Variants in HUWE1 observed in about 807,000 individuals in gnomAD.
HUWE1 encodes E3 ubiquitin-protein ligase HUWE1.
Under a neutral mutation model 299.4 loss-of-function variants are expected in HUWE1, and 18 were observed. The ratio of observed to expected loss-of-function variants is 0.06; its 90% CI spans 0.04 to 0.09. The LOEUF (loss-of-function observed/expected upper bound fraction) is 0.09. Ranked by LOEUF, HUWE1 falls within the 10% of genes least tolerant of loss-of-function variation. HUWE1 has a pLI of 1.00. For synonymous variants in HUWE1, 1,317 were observed against 1,286.1 expected, an observed-to-expected ratio of 1.02 and a Z score of -0.51; for missense variants, 1,832 against 3,462.3, an observed-to-expected ratio of 0.53 and a Z score of 11.82.
intron 37 of HUWE1, 66 bp downstream of exon 37, chrX:53,588,316 T>C (rs1284665545): frequency 1.1e-5 from 12 of 1,094,331 alleles, no homozygotes; most frequent in Non-Finnish European, 1.4e-5. Flanking sequence ...CAATGCCTCA[T>C]ATATGTTAAG....
At chrX:53,558,858 G>A in intron 58 of HUWE1, 49 bp from the exon 59 acceptor site, 1 of 1,198,256 alleles carries the variant, frequency 8.3e-7, no homozygotes, top group Non-Finnish European at 1.1e-6. Context: ...GGGTCAGGGA[G>A]GAAGCCAAGA....
chrX:53,667,778 G>A (rs1557048112), intron 3 of HUWE1, among the ~76,000 whole-genome samples: 1 of 111,587 alleles, frequency 9.0e-6, no homozygotes, highest in Non-Finnish European at 1.9e-5. Context: ...ACTGAAGGAT[G>A]ACCACTACAA....
intron 43 of HUWE1, among the ~76,000 whole-genome samples, chrX:53,578,142 G>C (rs1207057754): frequency 3.4e-5 from 3 of 87,362 alleles, no homozygotes; most frequent in Non-Finnish European, 4.5e-5. Context: ...GCCGCCCATC[G>C]TCTGAGATGT....
chrX:53,618,810 G>A (rs1435193298), intron 19 of HUWE1, among the ~76,000 whole-genome samples: 3 of 108,680 alleles, frequency 2.8e-5, no homozygotes, highest in African/African-American at 6.7e-5. Context: ...TGATCTGCCC[G>A]CCTCAGTCTC....
At position 53,575,674 on chromosome X, in the gene HUWE1, T is replaced by C; in HGVS notation, c.5999A>G (p.Asp2000Gly). Residue 2000 changes from aspartate (D) to glycine (G), a missense_variant, in exon 45 of 84, where the codon GAC (aspartate) becomes GGC (glycine). Asp to Gly is a moderately conservative substitution (Grantham distance 94). This residue lies in a region of HUWE1 where 157 missense variants were observed against 252.3 expected (regional missense o/e 0.62). Coordinates refer to ENST00000262854, the MANE Select transcript of HUWE1 (RefSeq NM_031407.7). ...QYRSLTRQSSDFDTQSGFSIN... is the reference protein window; with the variant it reads ...QYRSLTRQSSGFDTQSGFSIN... ...GGAAAAACCTGACTGCGTATCAAAG[T>C]CACTGCTCTGACGCGTAAGTGACCG... is the stretch of plus-strand genomic sequence containing the variant. 8.3e-7 allele frequency: 1 copy of C among 1,211,628 alleles called. No homozygotes were observed. Among genetic ancestry groups the C allele is most frequent in the Non-Finnish European group, 1.1e-6 (1 of 895,186 alleles).
intron 3 of HUWE1, among the ~76,000 whole-genome samples, chrX:53,662,353 AT>A (rs1176767388): frequency 3.1e-4 from 34 of 111,444 alleles, no homozygotes; most frequent in Non-Finnish European, 6.4e-4. Context: ...TATTCTTTCC[AT>A]TTAGTTCTTG....
chrX:53,559,291 T>A, intron 57 of HUWE1, 63 bp downstream of exon 57: 1 of 1,133,971 alleles, frequency 8.8e-7, no homozygotes, highest in Non-Finnish European at 1.2e-6. Flanking sequence ...GTCTTGCTTT[T>A]CCTCAGCAGG....
chrX:53,631,443 T>C lies in HUWE1; in HGVS notation c.733A>G (p.Lys245Glu), dbSNP rs1557022660. The change falls in exon 11 of 84, where the codon AAA becomes GAA. Residue 245 changes from lysine to glutamate, a missense_variant. Lys to Glu is a moderately conservative substitution (Grantham distance 56). This residue lies in a region of HUWE1 where 658 missense variants were observed against 1,282.6 expected (regional missense o/e 0.51). Coordinates refer to ENST00000262854, the MANE Select transcript of HUWE1 (RefSeq NM_031407.7). The part of the protein sequence containing the change: ...SPSEIMESLT[K>E]MYSIPKDKQM... ...TTATCCTTAGGAATGCTGTACATTT[T>C]GGTAAGAGATTCCATGATTTCAGAA... 8.3e-7 allele frequency: 1 copy of C among 1,202,756 alleles called. No homozygotes were observed.
intron 47 of HUWE1, among the ~76,000 whole-genome samples, chrX:53,572,918 TTTC>T (rs1373263458): frequency 1.8e-5 from 2 of 111,184 alleles, no homozygotes; most frequent in Non-Finnish European, 1.9e-5. Flanking sequence ...CCCATTCTAT[TTTC>T]TTGTTAGATG....
intron 3 of HUWE1, among the ~76,000 whole-genome samples, chrX:53,673,844 G>A (rs2069677303): frequency 9.0e-6 from 1 of 111,529 alleles, no homozygotes; most frequent in African/African-American, 3.3e-5. Context: ...TTTTTCAGAA[G>A]TAGAAATGCA....
At chrX:53,603,263 G>A in intron 27 of HUWE1, 105 bp downstream of exon 27, 3 of 765,826 alleles carry the variant, frequency 3.9e-6, no homozygotes, top group Admixed American at 2.6e-5. Context: ...AGGACAAGGA[G>A]GCCTCTGAAC....
At chrX:53,579,399 G>A (rs1453631862) in intron 43 of HUWE1, among the ~76,000 whole-genome samples, 1 of 111,150 alleles carries the variant, frequency 9.0e-6, no homozygotes, top group Non-Finnish European at 1.9e-5. Flanking sequence ...CGCCCCTACT[G>A]GGAAGTGGGG....
intron 7 of HUWE1, among the ~76,000 whole-genome samples, chrX:53,640,891 A>G: frequency 8.9e-6 from 1 of 112,385 alleles, no homozygotes; most frequent in East Asian, 2.8e-4. Flanking sequence ...TTGTCAGAAC[A>G]TTTAATTAAA....
intron 40 of HUWE1, among the ~76,000 whole-genome samples, 171 bp downstream of exon 40, chrX:53,584,838 GGAA>G (rs1326566355): frequency 6.3e-5 from 7 of 111,790 alleles, no homozygotes; most frequent in South Asian, 7.5e-4. Context: ...GGACCACACT[GGAA>G]GAAGAATTGT....
chrX:53,557,737 C>G (rs1477981468), intron 59 of HUWE1, among the ~76,000 whole-genome samples: 1 of 112,035 alleles, frequency 8.9e-6, no homozygotes, highest in Non-Finnish European at 1.9e-5. Flanking sequence ...TTGGTTTCAT[C>G]TATGTATTTT....
intron 8 of HUWE1, among the ~76,000 whole-genome samples, chrX:53,632,843 A>G (rs1213242662): frequency 8.9e-6 from 1 of 112,200 alleles, no homozygotes; most frequent in Non-Finnish European, 1.9e-5. Flanking sequence ...TAAGAGATCA[A>G]TTTTGACTGT....
chrX:53,577,863 G>A (rs1195002435), intron 43 of HUWE1, among the ~76,000 whole-genome samples: 2 of 113,469 alleles, frequency 1.8e-5, no homozygotes, highest in African/African-American at 6.3e-5. Flanking sequence ...GCGTGATCTC[G>A]GCTCGCTACA....
At chrX:53,581,772 A>G (rs1197933788) in intron 42 of HUWE1, among the ~76,000 whole-genome samples, 1 of 111,696 alleles carries the variant, frequency 9.0e-6, no homozygotes, top group Non-Finnish European at 1.9e-5. Context: ...ATAAACACAG[A>G]AAAGTTTAAT....
intron 30 of HUWE1, 32 bp from the exon 31 acceptor site, chrX:53,594,653 C>A (rs2064352843): frequency 8.3e-7 from 1 of 1,201,525 alleles, no homozygotes; most frequent in Non-Finnish European, 1.1e-6. Context: ...AAACTTTAAC[C>A]TTCTGTAAAG....
Sources: allele counts gnomAD v4.1 joint callset (sites outside exome capture counted in the v4.1 genomes callset), GRCh38; gene constraint gnomAD v4.1.1; regional missense constraint gnomAD v4.1.1; transcripts MANE v1.5; gene names NCBI Gene and HGNC (gene_info 2026-07-23, HGNC 2026-07-21).